Variants in ATXN8OS observed in about 807,000 individuals in gnomAD.
ATXN8OS encodes the protein ATXN8 opposite strand (non-protein coding).
At chr13:70,134,618 T>C (rs982177345) in intron 3 of ATXN8OS, among the ~76,000 whole-genome samples, 17 of 152,298 alleles carry the variant, frequency 1.1e-4, no homozygotes, top group African/African-American at 4.1e-4. Context: ...CAACTTCCTA[T>C]GGCAATTGCC....
chr13:70,145,236 C>G lies in ATXN8OS; in HGVS notation n.500-2119C>G, dbSNP rs546845879. Among the ~76,000 whole-genome samples, 4 of 152,222 alleles carry G rather than the reference C, an allele frequency of 2.6e-5. No homozygotes were observed. In the South Asian group the frequency reaches 8.3e-4, roughly 32 times the overall value. On this transcript the variant is annotated intron_variant and non_coding_transcript_variant, in intron 3 of 4. Transcript: ENST00000678624. ...TTTCTGTTTTGGTACCAGTACCATGCTGTTTTGGTTACTGTAGCCTTGTAG... is the reference window on the plus strand; with the variant it reads ...TTTCTGTTTTGGTACCAGTACCATGGTGTTTTGGTTACTGTAGCCTTGTAG...
intron 2 of ATXN8OS, among the ~76,000 whole-genome samples, chr13:70,122,835 A>G (rs903432847): frequency 3.3e-5 from 5 of 151,972 alleles, no homozygotes; most frequent in African/African-American, 1.2e-4. Flanking sequence ...AAATCTACCA[A>G]AATCTGAAAA....
At chr13:70,132,863 T>A (rs117512506) in intron 3 of ATXN8OS, among the ~76,000 whole-genome samples, 12,622 of 152,078 alleles carry the variant, frequency 0.083, 635 homozygotes, top group Middle Eastern at 0.18. Context: ...AGTCTATTTT[T>A]TTTTTTGCAT....
At chr13:70,153,783 G>A (rs940211758) in intron 4 of ATXN8OS, among the ~76,000 whole-genome samples, 10 of 151,798 alleles carry the variant, frequency 6.6e-5, no homozygotes, top group Non-Finnish European at 1.5e-4. Flanking sequence ...AGGCTCCCGC[G>A]ATCCACCCAC....
chr13:70,116,486 T>C (rs1888280481), intron 2 of ATXN8OS, among the ~76,000 whole-genome samples: 1 of 152,134 alleles, frequency 6.6e-6, no homozygotes, highest in Non-Finnish European at 1.5e-5. Flanking sequence ...TGATAAAGTT[T>C]GGTGTATTTA....
chr13:70,166,185 C>A lies in ATXN8OS; in HGVS notation n.574-3568C>A, dbSNP rs561757796. On this transcript the variant is annotated intron_variant and non_coding_transcript_variant, in intron 4 of 4. Transcript: ENST00000678624. Reference sequence around the variant, plus strand: ...TTTAAAATAGTAGTTCATATGGAACCAAAAAAGAGCCCTCATTGCCAAGTC... The same window carrying A: ...TTTAAAATAGTAGTTCATATGGAACAAAAAAAGAGCCCTCATTGCCAAGTC... 2.0e-5 allele frequency among the ~76,000 whole-genome samples: 3 copies of A among 151,848 alleles called. No homozygotes were observed. The South Asian group carries it at 6.3e-4, about 32-fold the overall frequency.
At chr13:70,129,152 G>A (rs1888489739) in intron 2 of ATXN8OS, among the ~76,000 whole-genome samples, 1 of 152,108 alleles carries the variant, frequency 6.6e-6, no homozygotes, top group Non-Finnish European at 1.5e-5. Context: ...GAGCCACCAT[G>A]CCGGGCCCAC....
At position 70,128,020 on chromosome 13, in the gene ATXN8OS, T is replaced by A. The variant is rs530248247; in HGVS notation, n.399-1764T>A. On this transcript the variant is annotated intron_variant and non_coding_transcript_variant, in intron 2 of 4. Coordinates refer to ENST00000678624, the Ensembl canonical transcript of ATXN8OS. ...ATGTTGTTACATATTTATTTTACTA[T>A]TTTATTAAATTATATATAATTCATA... Among the ~76,000 whole-genome samples the A allele has an allele frequency of 3.9e-5, 6 of 152,044 alleles. No homozygotes were observed. In the South Asian group the frequency reaches 1.2e-3, roughly 32 times the overall value.
chr13:70,167,199 A>C lies in ATXN8OS; in HGVS notation n.574-2554A>C, dbSNP rs535680777. On this transcript the variant is annotated intron_variant and non_coding_transcript_variant, in intron 4 of 4. Transcript: ENST00000678624. Reference sequence around the variant, plus strand: ...CCAAAGGATTATAAATCATGCTGCTATAAAGACACATGCACATGTATGTTT... The same window carrying C: ...CCAAAGGATTATAAATCATGCTGCTCTAAAGACACATGCACATGTATGTTT... Among the ~76,000 whole-genome samples, 49 of 152,284 alleles carry C rather than the reference A, an allele frequency of 3.2e-4. 1 individual carries two copies. Among genetic ancestry groups the C allele is most frequent in the Non-Finnish European group, 2.6e-4 (18 of 68,006 alleles).
chr13:70,117,342 T>C (rs959243498), intron 2 of ATXN8OS, among the ~76,000 whole-genome samples: 3 of 152,088 alleles, frequency 2.0e-5, no homozygotes, highest in Non-Finnish European at 4.4e-5. Flanking sequence ...TCATGTTGTA[T>C]ACTTTAAATA....
At chr13:70,127,399 C>T (rs915034759) in intron 2 of ATXN8OS, among the ~76,000 whole-genome samples, 1 of 151,864 alleles carries the variant, frequency 6.6e-6, no homozygotes, top group Non-Finnish European at 1.5e-5. Flanking sequence ...AATTAGATAT[C>T]ATCGAAAGAA....
intron 4 of ATXN8OS, among the ~76,000 whole-genome samples, chr13:70,168,137 T>C (rs1057315059): frequency 1.3e-5 from 2 of 152,090 alleles, no homozygotes; most frequent in African/African-American, 4.8e-5. Context: ...CTTTGCATGA[T>C]TGAACTGATT....
At chr13:70,151,466 A>G (rs1021206622) in intron 4 of ATXN8OS, among the ~76,000 whole-genome samples, 1 of 152,106 alleles carries the variant, frequency 6.6e-6, no homozygotes, top group African/African-American at 2.4e-5. Context: ...ATGGGGCTAT[A>G]TATTCCTTTG....
At chr13:70,145,693 A>C (rs975513803) in intron 3 of ATXN8OS, among the ~76,000 whole-genome samples, 3 of 152,164 alleles carry the variant, frequency 2.0e-5, no homozygotes, top group African/African-American at 7.2e-5. Context: ...ATTTTTGTAC[A>C]TTGATTTTGT....
intron 4 of ATXN8OS, among the ~76,000 whole-genome samples, chr13:70,155,873 T>C (rs957977759): frequency 6.6e-6 from 1 of 151,996 alleles, no homozygotes; most frequent in African/African-American, 2.4e-5. Context: ...AAAAAAAGTA[T>C]GTTTTATTTC....
chr13:70,138,550 GATTT>G (rs1251055299), intron 3 of ATXN8OS, among the ~76,000 whole-genome samples: 1 of 151,928 alleles, frequency 6.6e-6, no homozygotes, highest in East Asian at 1.9e-4. Context: ...AGGTGCTATA[GATTT>G]ATTAATAAAC....
chr13:70,122,574 C>T lies in ATXN8OS; in HGVS notation n.399-7210C>T, dbSNP rs893396712. On this transcript the variant is annotated intron_variant and non_coding_transcript_variant, in intron 2 of 4. Coordinates refer to ENST00000678624, the Ensembl canonical transcript of ATXN8OS. ...TGTGTACGGCTGAGAAATAAATAAA[C>T]TGAAACTCTCCATGAGTCAAAATGA... 1.3e-5 allele frequency among the ~76,000 whole-genome samples: 2 copies of T among 151,898 alleles called. 1 individual carries two copies. The highest frequency in any genetic ancestry group is 2.9e-5 in the Non-Finnish European group (2 of 67,882).
At chr13:70,151,928 T>G (rs1888873179) in intron 4 of ATXN8OS, among the ~76,000 whole-genome samples, 1 of 152,076 alleles carries the variant, frequency 6.6e-6, no homozygotes, top group Admixed American at 6.5e-5. Context: ...AATTGATCAT[T>G]TCACTCATCA....
intron 4 of ATXN8OS, among the ~76,000 whole-genome samples, chr13:70,159,560 C>T (rs1261219835): frequency 2.0e-5 from 3 of 151,860 alleles, no homozygotes; most frequent in Non-Finnish European, 4.4e-5. Flanking sequence ...ACGTGCATAC[C>T]ATACAATTTA....
Sources: allele counts gnomAD v4.1 joint callset (sites outside exome capture counted in the v4.1 genomes callset), GRCh38; gene constraint gnomAD v4.1.1; transcripts MANE v1.5; gene names NCBI Gene and HGNC (gene_info 2026-07-23, HGNC 2026-07-21).